The following ROBO2 variants were observed in gnomAD, a reference collection of about 807,000 sequenced individuals.
ROBO2 encodes the protein roundabout homolog 2.
A neutral mutation model predicts 160.8 loss-of-function variants in ROBO2; 53 were observed. The ratio of observed to expected loss-of-function variants is 0.33; its 90% CI spans 0.26 to 0.41. ROBO2 has a LOEUF of 0.41. Ranked by LOEUF, ROBO2 falls within the 10% of genes least tolerant of loss-of-function variation. The pLI, the probability that ROBO2 is intolerant of heterozygous loss-of-function variation, is 1.00. For synonymous variants in ROBO2, 664 were observed against 611.7 expected (o/e 1.09, Z -1.26); for missense variants, 1,577 against 1,722.4 (o/e 0.92, Z 1.49).
intron 2 of ROBO2, among the ~76,000 whole-genome samples, chr3:76,850,324 G>C (rs965856541): frequency 6.6e-6 from 1 of 151,952 alleles, no homozygotes. Context: ...TATTAATTAA[G>C]CAGTGATTAT....
At chr3:76,113,253 C>A (rs1187232677) in intron 2 of ROBO2, among the ~76,000 whole-genome samples, 1 of 152,002 alleles carries the variant, frequency 6.6e-6, no homozygotes, top group Non-Finnish European at 1.5e-5. Context: ...TTAACAGAGG[C>A]CCAAAGCAGC....
chr3:76,324,345 C>T (rs2072831944), intron 2 of ROBO2, among the ~76,000 whole-genome samples: 1 of 152,140 alleles, frequency 6.6e-6, no homozygotes, highest in Non-Finnish European at 1.5e-5. Context: ...CAATCCCAGT[C>T]AATGTGGTTG....
intron 2 of ROBO2, among the ~76,000 whole-genome samples, chr3:76,011,595 T>G (rs779638356): frequency 4.6e-5 from 7 of 152,082 alleles, no homozygotes; most frequent in Admixed American, 3.9e-4. Flanking sequence ...GGAAGTGATC[T>G]CTCTGCAATG....
At chr3:76,006,680 A>C (rs2066028180) in intron 2 of ROBO2, among the ~76,000 whole-genome samples, 1 of 152,132 alleles carries the variant, frequency 6.6e-6, no homozygotes, top group African/African-American at 2.4e-5. Flanking sequence ...GTAAGAATCT[A>C]GTTTAGTGCC....
At chr3:77,507,035 A>G (rs75820676) in intron 5 of ROBO2, among the ~76,000 whole-genome samples, 3,479 of 152,254 alleles carry the variant, frequency 0.023, 130 homozygotes, top group African/African-American at 0.077. Context: ...ATTTTTCTTC[A>G]TATTCCTTGC....
intron 2 of ROBO2, among the ~76,000 whole-genome samples, chr3:76,024,472 T>C (rs1185962835): frequency 6.6e-6 from 1 of 151,642 alleles, no homozygotes; most frequent in Non-Finnish European, 1.5e-5. Flanking sequence ...TCTGAATTTT[T>C]GGTGCAATCC....
chr3:77,090,274 C>A (rs570388967), intron 1 of ROBO2, among the ~76,000 whole-genome samples: 1 of 147,156 alleles, frequency 6.8e-6, no homozygotes, highest in Non-Finnish European at 1.5e-5. Context: ...CGCTTACTGC[C>A]CATCCTGGTG....
intron 2 of ROBO2, among the ~76,000 whole-genome samples, chr3:76,843,623 T>A (rs2068506611): frequency 6.6e-6 from 1 of 152,040 alleles, no homozygotes; most frequent in South Asian, 2.1e-4. Flanking sequence ...TGATGGACTA[T>A]CCCTTCTCAG....
At chr3:76,840,669 AT>A (rs2068166954) in intron 2 of ROBO2, among the ~76,000 whole-genome samples, 4 of 141,346 alleles carry the variant, frequency 2.8e-5, no homozygotes, top group East Asian at 2.0e-4. Flanking sequence ...ATATATATAT[AT>A]ATATAAGATG....
exon 14 of ROBO2, chr3:77,574,602 C>G: frequency 6.2e-7 from 1 of 1,613,292 alleles, no homozygotes; most frequent in Non-Finnish European, 8.5e-7. Flanking sequence ...GCCAAAGTCC[C>G]GACTGAACGA....
rs1553669361 is a variant in ROBO2 at position 76,184,594 on chromosome 3, T to TAGATAGATA, written c.109+246993_109+246994insGATAGATAA. ...ATAGATAGATAGATAGATAGATAGA[T>TAGATAGATA]AAGAGGGGATTTATTAGGGGAATTG... On this transcript the variant is annotated intron_variant, in intron 2 of 26. Coordinates refer to the ROBO2 transcript ENST00000487694. Among the ~76,000 whole-genome samples the TAGATAGATA allele has an allele frequency of 5.4e-4, 68 of 124,850 alleles. 1 individual carries two copies. The highest frequency in any genetic ancestry group is 2.8e-3 in the East Asian group (6 of 2,160). The allele number at this position is 124,850 out of a possible 152,430, so 81.9% of individuals were successfully genotyped here.
chr3:76,629,644 A>G (rs1042495241), intron 2 of ROBO2, among the ~76,000 whole-genome samples: 1 of 152,106 alleles, frequency 6.6e-6, no homozygotes, highest in Non-Finnish European at 1.5e-5. Context: ...ACTGACTCAA[A>G]TGTTAAACCC....
At chr3:77,580,118 G>T in exon 16 of ROBO2, 1 of 1,613,514 alleles carries the variant, frequency 6.2e-7, no homozygotes, top group Non-Finnish European at 8.5e-7. Context: ...AATAATAATC[G>T]GTGAGTATCA....
chr3:77,295,228 A>G (rs1260046698), intron 2 of ROBO2, among the ~76,000 whole-genome samples: 3 of 149,486 alleles, frequency 2.0e-5, no homozygotes, highest in African/African-American at 7.6e-5. Context: ...AGCTGAGGCT[A>G]GATCACCAAA....
intron 2 of ROBO2, among the ~76,000 whole-genome samples, chr3:76,299,399 A>G (rs1247489143): frequency 6.6e-6 from 1 of 152,164 alleles, no homozygotes; most frequent in Admixed American, 6.5e-5. Context: ...AACAAACACA[A>G]TAAGGTAACA....
At chr3:77,325,897 C>T (rs1398292511) in intron 2 of ROBO2, among the ~76,000 whole-genome samples, 1 of 152,146 alleles carries the variant, frequency 6.6e-6, no homozygotes, top group Non-Finnish European at 1.5e-5. Context: ...CAAATGCAAA[C>T]AATCTGGTTC....
intron 2 of ROBO2, among the ~76,000 whole-genome samples, chr3:76,005,159 A>G (rs2065985687): frequency 6.6e-6 from 1 of 152,200 alleles, no homozygotes; most frequent in Non-Finnish European, 1.5e-5. Context: ...CAAATTGCCC[A>G]GTCTCTTATA....
intron 2 of ROBO2, among the ~76,000 whole-genome samples, chr3:76,686,434 C>T (rs1031846304): frequency 6.7e-6 from 1 of 148,594 alleles, no homozygotes; most frequent in African/African-American, 2.6e-5. Context: ...TTCTCATACA[C>T]CAACAATCCT....
chr3:76,364,197 C>T (rs1477619507), intron 2 of ROBO2, among the ~76,000 whole-genome samples: 3 of 151,886 alleles, frequency 2.0e-5, no homozygotes, highest in African/African-American at 7.2e-5. Context: ...TCAGAGACTC[C>T]CTCTTGTCTT....
Sources: allele counts gnomAD v4.1 joint callset (sites outside exome capture counted in the v4.1 genomes callset), GRCh38; gene constraint gnomAD v4.1.1; transcripts MANE v1.5; gene names NCBI Gene and HGNC (gene_info 2026-07-23, HGNC 2026-07-21).